The following CDKL5 variants were observed in gnomAD, a reference collection of about 807,000 sequenced individuals.
CDKL5 encodes the protein cyclin-dependent kinase-like 5.
Under a neutral mutation model 61.7 loss-of-function variants are expected in CDKL5, and 8 were observed. The observed-to-expected ratio is 0.13, with a 90% CI of 0.08 to 0.23. The LOEUF (loss-of-function observed/expected upper bound fraction) is 0.23, where lower values mean the gene tolerates loss of function less well. CDKL5 is among the 10% of genes least tolerant of loss of function. The pLI is 1.00. For synonymous variants in CDKL5, 275 were observed against 272.3 expected (o/e 1.01, Z -0.10); for missense variants, 440 against 734.5 (o/e 0.60, Z 4.63).
At chrX:18,553,452 T>C (rs1924469498) in intron 3 of CDKL5, among the ~76,000 whole-genome samples, 1 of 102,372 alleles carries the variant, frequency 9.8e-6, no homozygotes, top group Admixed American at 1.0e-4. Context: ...TTGAAGGCAG[T>C]TGTGTGTGTG....
intron 20 of CDKL5, chrX:18,650,175 G>A (rs1927968521): frequency 1.1e-5 from 5 of 451,641 alleles, no homozygotes; most frequent in Non-Finnish European, 2.0e-5. Context: ...AGCCCTGCAG[G>A]GGTACCTGGC....
chrX:18,555,999 G>A (rs1924590188), intron 3 of CDKL5, among the ~76,000 whole-genome samples: 1 of 111,748 alleles, frequency 8.9e-6, no homozygotes, highest in Admixed American at 9.5e-5. Context: ...GAATTTCCTG[G>A]AGAAATCTAG....
intron 20 of CDKL5, among the ~76,000 whole-genome samples, chrX:18,646,641 C>T (rs910217122): frequency 2.7e-5 from 3 of 111,675 alleles, no homozygotes; most frequent in Admixed American, 9.5e-5. Context: ...ATCTGACCTC[C>T]GCTTGCCTCT....
intron 3 of CDKL5, among the ~76,000 whole-genome samples, chrX:18,551,507 T>C (rs1924382845): frequency 9.3e-6 from 1 of 107,856 alleles, no homozygotes; most frequent in South Asian, 4.1e-4. Context: ...GGCACTCAAA[T>C]ATCAGCCATC....
chrX:18,455,052 A>T (rs1228485707), intron 1 of CDKL5, among the ~76,000 whole-genome samples: 1 of 110,427 alleles, frequency 9.1e-6, no homozygotes, highest in African/African-American at 3.3e-5. Context: ...ATTTTGACGT[A>T]TGTCTAGGAT....
At chrX:18,619,733 T>C in intron 15 of CDKL5, 134 bp from the exon 16 acceptor site, 1 of 475,182 alleles carries the variant, frequency 2.1e-6, no homozygotes, top group Non-Finnish European at 3.7e-6. Flanking sequence ...TTTTAGAGGC[T>C]CTTTACCCAA....
chrX:18,484,388 G>C (rs1361414523), intron 1 of CDKL5, among the ~76,000 whole-genome samples: 1 of 110,359 alleles, frequency 9.1e-6, no homozygotes, highest in Admixed American at 9.7e-5. Flanking sequence ...CGCGATCTCG[G>C]CTCGCTGTAA....
At chrX:18,430,133 CT>C (rs1331975251) in intron 1 of CDKL5, among the ~76,000 whole-genome samples, 1 of 112,202 alleles carries the variant, frequency 8.9e-6, no homozygotes, top group East Asian at 2.8e-4. Flanking sequence ...GAGGGTCAGA[CT>C]TTTCTAACAG....
At chrX:18,559,654 T>G (rs1224139716) in intron 3 of CDKL5, among the ~76,000 whole-genome samples, 2 of 107,793 alleles carry the variant, frequency 1.9e-5, no homozygotes, top group African/African-American at 6.8e-5. Flanking sequence ...TTATTATACT[T>G]TAAGTTTTAG....
chrX:18,589,101 C>G (rs1025898290), intron 9 of CDKL5: 4 of 109,142 alleles, frequency 3.7e-5, no homozygotes, highest in Non-Finnish European at 7.6e-5. Context: ...TAGGCTACTT[C>G]TTCCACCTAC....
At chrX:18,534,858 A>G (rs1222136465) in intron 3 of CDKL5, among the ~76,000 whole-genome samples, 2 of 112,345 alleles carry the variant, frequency 1.8e-5, no homozygotes, top group Non-Finnish European at 1.9e-5. Context: ...ATGAAAATGA[A>G]TTCACATAAA....
chrX:18,551,089 C>T (rs1185502426), intron 3 of CDKL5, among the ~76,000 whole-genome samples: 1 of 111,772 alleles, frequency 8.9e-6, no homozygotes, highest in South Asian at 3.8e-4. Flanking sequence ...TATTTTCTGC[C>T]AGAGGGATTA....
chrX:18,554,064 ATT>A (rs200137678), intron 3 of CDKL5, among the ~76,000 whole-genome samples: 16 of 102,094 alleles, frequency 1.6e-4, no homozygotes, highest in African/African-American at 4.2e-4. Context: ...ATATATATAT[ATT>A]TTTTTTTTTC....
At chrX:18,644,039 T>C (rs2147190718), downstream of CDKL5, among the ~76,000 whole-genome samples, 1 of 111,046 alleles carries the variant, frequency 9.0e-6, no homozygotes, top group African/African-American at 3.3e-5. Context: ...TCTCAAACAA[T>C]AGGAGAGGCC....
chrX:18,637,153 GA>G lies in CDKL5; in HGVS notation c.*8397del, dbSNP rs1927413022. The G allele has an allele frequency of 9.0e-6, 1 of 111,476 alleles. No individual in the cohort carries two copies. Among genetic ancestry groups the G allele is most frequent in the African/African-American group, 3.3e-5 (1 of 30,620 alleles). The allele number at this position is 111,476 out of a possible 1,213,427, so 9.2% of individuals were successfully genotyped here. A position where few individuals can be genotyped will look rare whatever the true frequency, so the allele number is the denominator to read the frequency against. ...CACGCCCGTAATCCTAGCACTTTGG[GA>G]GGCCAAGGTGGGTGGATCACGAGGT... On this transcript the variant is annotated 3_prime_UTR_variant, in exon 18 of 18. Transcript: ENST00000623535.
chrX:18,580,664 C>T (rs780888515), intron 6 of CDKL5, among the ~76,000 whole-genome samples: 1 of 111,780 alleles, frequency 8.9e-6, no homozygotes, highest in South Asian at 3.7e-4. Context: ...CTTTCTTGCA[C>T]TGGAGAGTTT....
chrX:18,620,973 C>T (rs1306031657), intron 16 of CDKL5, among the ~76,000 whole-genome samples: 9 of 111,949 alleles, frequency 8.0e-5, no homozygotes, highest in African/African-American at 2.6e-4. Context: ...CTCCTGAGCT[C>T]AAGCAATCTG....
At chrX:18,511,778 G>A (rs1922840519) in intron 3 of CDKL5, among the ~76,000 whole-genome samples, 1 of 112,262 alleles carries the variant, frequency 8.9e-6, no homozygotes, top group African/African-American at 3.2e-5. Flanking sequence ...AGAAAAGGTG[G>A]TGGGACAGGA....
At chrX:18,507,446 C>CTTTTT in intron 2 of CDKL5, among the ~76,000 whole-genome samples, 1 of 72,374 alleles carries the variant, frequency 1.4e-5, no homozygotes, top group Non-Finnish European at 2.7e-5. Flanking sequence ...TGCCTTCATT[C>CTTTTT]TTTTTTTTTT....
Sources: gnomAD v4.1 joint callset for allele counts (sites outside exome capture counted in the v4.1 genomes callset) on GRCh38, gnomAD v4.1.1 for gene constraint, MANE v1.5 for transcripts, NCBI Gene and HGNC (gene_info 2026-07-23, HGNC 2026-07-21) for gene names.